Variants in RNFT2 observed in about 807,000 individuals in gnomAD.
RNFT2 encodes the protein E3 ubiquitin-protein ligase RNFT2.
Under a neutral mutation model 53.0 loss-of-function variants are expected in RNFT2, and 36 were observed. That is an observed-to-expected ratio of 0.68 (90% CI 0.52 to 0.90). RNFT2 has a LOEUF of 0.90. RNFT2 is among the 40% of genes least tolerant of loss of function. The pLI is 0.00. For synonymous variants in RNFT2, 260 were observed against 253.2 expected, an observed-to-expected ratio of 1.03 and a Z score of -0.26; for missense variants, 514 against 585.6, an observed-to-expected ratio of 0.88 and a Z score of 1.26.
intron 10 of RNFT2, among the ~76,000 whole-genome samples, chr12:116,838,982 A>G (rs1877114511): frequency 6.6e-6 from 1 of 152,214 alleles, no homozygotes; most frequent in African/African-American, 2.4e-5. Flanking sequence ...ACATAGGTAA[A>G]TGGGTCATGC....
At chr12:116,750,861 A>ATATATATAATATATATAT (rs1872192697) in intron 4 of RNFT2, among the ~76,000 whole-genome samples, 2 of 9,404 alleles carry the variant, frequency 2.1e-4, no homozygotes, top group Non-Finnish European at 3.3e-4. Flanking sequence ...AATATATATT[A>ATATATATAATATATATAT]TATATATATA....
intron 7 of RNFT2, among the ~76,000 whole-genome samples, chr12:116,820,060 C>A (rs978287104): frequency 2.0e-5 from 3 of 151,826 alleles, no homozygotes; most frequent in Non-Finnish European, 4.4e-5. Flanking sequence ...TTTGAAATTC[C>A]TTGTTTCTTT....
At chr12:116,842,298 C>T (rs774243350) in intron 10 of RNFT2, among the ~76,000 whole-genome samples, 3 of 151,964 alleles carry the variant, frequency 2.0e-5, no homozygotes, top group African/African-American at 4.8e-5. Context: ...GGTCACTAGG[C>T]GCCACCCTTA....
At chr12:116,784,006 G>C (rs1408221879) in intron 7 of RNFT2, among the ~76,000 whole-genome samples, 2 of 152,230 alleles carry the variant, frequency 1.3e-5, no homozygotes, top group African/African-American at 4.8e-5. Context: ...CATTTTCACA[G>C]ATGTAGAAGC....
At chr12:116,832,409 A>C (rs1208033466) in intron 7 of RNFT2, among the ~76,000 whole-genome samples, 1 of 152,002 alleles carries the variant, frequency 6.6e-6, no homozygotes, top group African/African-American at 2.4e-5. Flanking sequence ...ATGTATACTT[A>C]TTGCTGGACA....
chr12:116,766,836 T>C lies in RNFT2; in HGVS notation c.650T>C (p.Ile217Thr). The change falls in exon 6 of 11, where the codon ATC (isoleucine) becomes ACC (threonine). Residue 217 changes from isoleucine (I) to threonine (T), a missense_variant. By Grantham distance (89) the Ile-to-Thr change is moderately conservative. Coordinates refer to ENST00000257575, the MANE Select transcript of RNFT2 (RefSeq NM_001382266.1). ...SLKEKRSVLV[I>T]LWILAFLAGN... ...CAGGAGAAGAGGTCAGTGCTGGTCA[T>C]CTTGTGGATCCTGGCCTTTCTGGCG... The C allele has an allele frequency of 1.3e-6, 2 of 1,597,372 alleles. No individual in the cohort carries two copies. The highest frequency in any genetic ancestry group is 1.7e-6 in the Non-Finnish European group (2 of 1,171,518).
intron 7 of RNFT2, among the ~76,000 whole-genome samples, chr12:116,804,826 G>T (rs1402794920): frequency 2.6e-5 from 4 of 152,136 alleles, no homozygotes; most frequent in Non-Finnish European, 4.4e-5. Context: ...AATTAGCCAG[G>T]CATGGTGGTA....
At chr12:116,772,141 G>A (rs1164722633) in intron 6 of RNFT2, among the ~76,000 whole-genome samples, 2 of 152,116 alleles carry the variant, frequency 1.3e-5, no homozygotes, top group Non-Finnish European at 2.9e-5. Context: ...GCCCTAGCTG[G>A]AAGGTAGTGG....
chr12:116,823,464 G>A (rs764753883), intron 7 of RNFT2, among the ~76,000 whole-genome samples: 3 of 150,726 alleles, frequency 2.0e-5, no homozygotes, highest in Admixed American at 6.6e-5. Flanking sequence ...TGTGTGGATC[G>A]CTTGAGGTCA....
intron 6 of RNFT2, among the ~76,000 whole-genome samples, chr12:116,767,784 T>C (rs969157302): frequency 6.6e-6 from 1 of 151,318 alleles, no homozygotes; most frequent in Non-Finnish European, 1.5e-5. Flanking sequence ...TTCACCATAT[T>C]GGTCAAGCTG....
Position 116,849,573 on chromosome 12 carries a change from T to A in RNFT2, c.*125T>A. On this transcript the variant is annotated 3_prime_UTR_variant, in exon 11 of 11. Transcript: ENST00000257575. ...CCTGCCTCTTGCCCTCCACCACCTC[T>A]GACCCCAAAGTCCCGCCCCTGTCTT... 7.0e-7 allele frequency: 1 copy of A among 1,433,134 alleles called. No homozygotes were observed. Among genetic ancestry groups the A allele is most frequent in the Non-Finnish European group, 9.2e-7 (1 of 1,090,768 alleles). 88.8% of individuals were successfully genotyped at this position (1,433,134 alleles called of 1,614,324 possible).
intron 10 of RNFT2, among the ~76,000 whole-genome samples, chr12:116,848,120 G>A (rs1877710949): frequency 6.6e-6 from 1 of 152,094 alleles, no homozygotes. Flanking sequence ...TCCTGTGTTA[G>A]TTTGCTGAGG....
At chr12:116,832,771 A>G (rs762098067) in intron 7 of RNFT2, among the ~76,000 whole-genome samples, 5 of 152,118 alleles carry the variant, frequency 3.3e-5, no homozygotes, top group African/African-American at 4.8e-5. Flanking sequence ...CATCTCCTTT[A>G]ATCCTCAAAG....
At chr12:116,748,151 C>T (rs1194057074) in intron 3 of RNFT2, among the ~76,000 whole-genome samples, 1 of 151,954 alleles carries the variant, frequency 6.6e-6, no homozygotes, top group Non-Finnish European at 1.5e-5. Context: ...GATGGCACCA[C>T]TGCACTCCAG....
intron 7 of RNFT2, among the ~76,000 whole-genome samples, chr12:116,779,667 G>A (rs192319443): frequency 2.0e-5 from 3 of 152,232 alleles, no homozygotes; most frequent in Admixed American, 6.5e-5. Context: ...AGCATGCCCC[G>A]GGACCTGCTT....
At chr12:116,791,062 T>C (rs910411089) in intron 7 of RNFT2, among the ~76,000 whole-genome samples, 7 of 152,252 alleles carry the variant, frequency 4.6e-5, no homozygotes, top group African/African-American at 1.7e-4. Flanking sequence ...CCACCACCTC[T>C]GTCTAGTTCC....
chr12:116,779,402 G>GA, intron 7 of RNFT2, 54 bp downstream of exon 7: 2 of 1,591,668 alleles, frequency 1.3e-6, no homozygotes, highest in South Asian at 2.2e-5. Flanking sequence ...TCATGCAGAG[G>GA]ATTCAGGGTG....
At chr12:116,774,481 A>C (rs1251698418) in intron 6 of RNFT2, among the ~76,000 whole-genome samples, 1 of 152,232 alleles carries the variant, frequency 6.6e-6, no homozygotes, top group African/African-American at 2.4e-5. Context: ...AGCGAATGCT[A>C]ATCAGAACGT....
At chr12:116,816,022 G>C (rs991983204) in intron 7 of RNFT2, among the ~76,000 whole-genome samples, 2 of 152,130 alleles carry the variant, frequency 1.3e-5, no homozygotes, top group African/African-American at 4.8e-5. Flanking sequence ...AGCCAGGCTT[G>C]GGCAGTTTAG....
Sources: gnomAD v4.1 joint callset for allele counts (sites outside exome capture counted in the v4.1 genomes callset) on GRCh38, gnomAD v4.1.1 for gene constraint, MANE v1.5 for transcripts, NCBI Gene and HGNC (gene_info 2026-07-23, HGNC 2026-07-21) for gene names.